The following OMA1 variants were observed in gnomAD, a reference collection of about 807,000 sequenced individuals.
OMA1 encodes OMA1 zinc metallopeptidase.
Under a neutral mutation model 30.9 loss-of-function variants are expected in OMA1, and 38 were observed. The ratio of observed to expected loss-of-function variants is 1.23; its 90% confidence interval spans 0.95 to 1.61. OMA1 has a LOEUF of 1.61. OMA1 is among the 40% of genes most tolerant of loss of function. The probability of loss-of-function intolerance (pLI) is 0.00; values close to 1 mark genes in which losing one functional copy is unlikely to be tolerated. For synonymous variants in OMA1, 173 were observed against 121.9 expected, an observed-to-expected ratio of 1.42 and a Z score of -2.76; for missense variants, 461 against 349.2, an observed-to-expected ratio of 1.32 and a Z score of -2.55.
At chr1:58,502,763 C>A (rs1645926635) in intron 8 of OMA1, among the ~76,000 whole-genome samples, 1 of 152,140 alleles carries the variant, frequency 6.6e-6, no homozygotes, top group Non-Finnish European at 1.5e-5. Context: ...TAACAATATA[C>A]CCTTGTACTA....
chr1:58,513,387 G>A (rs937186270), intron 7 of OMA1, among the ~76,000 whole-genome samples: 3 of 152,076 alleles, frequency 2.0e-5, no homozygotes, highest in Admixed American at 6.6e-5. Flanking sequence ...TTACAGCACT[G>A]TGAAAATGGA....
intron 7 of OMA1, 125 bp from the exon 8 acceptor site, chr1:58,506,334 C>A: frequency 1.7e-6 from 1 of 583,398 alleles, no homozygotes; most frequent in Non-Finnish European, 3.0e-6. Flanking sequence ...ATGTGCACAA[C>A]GTGCAGGTTT....
At chr1:58,522,293 C>T (rs1646277009) in intron 7 of OMA1, among the ~76,000 whole-genome samples, 1 of 152,064 alleles carries the variant, frequency 6.6e-6, no homozygotes, top group African/African-American at 2.4e-5. Flanking sequence ...CAAACCTGCA[C>T]ATCTGCACAT....
chr1:58,516,684 C>G lies in OMA1; in HGVS notation c.1216-10475G>C, dbSNP rs527617842. Among the ~76,000 whole-genome samples the G allele has an allele frequency of 6.6e-5, 10 of 152,226 alleles. No individual in the cohort carries two copies. In the East Asian group the frequency reaches 1.9e-3, roughly 29 times the overall value. On this transcript the variant is annotated intron_variant, in intron 7 of 8. Transcript: ENST00000371226. The stretch of plus-strand genomic sequence containing the variant: ...TTGAAAGAGGCTTCATGAGTAACAT[C>G]GTTTTTGTGAATTTTGCACGTTGAA...
intron 1 of OMA1, chr1:58,541,636 A>ACC (rs1278999448): frequency 6.1e-5 from 9 of 148,514 alleles, no homozygotes; most frequent in African/African-American, 2.0e-4. Context: ...AAAAAAAAAA[A>ACC]AAAAACCAAA....
At chr1:58,528,347 A>G (rs767822212) in intron 6 of OMA1, among the ~76,000 whole-genome samples, 18 of 152,234 alleles carry the variant, frequency 1.2e-4, no homozygotes, top group African/African-American at 3.6e-4. Flanking sequence ...CAGTAGTATC[A>G]TATGTAAAAT....
rs967466528 is a variant in OMA1 at position 58,536,385 on chromosome 1, GA to G, written c.729+127del. ...AGTGTGAAAGGTCTGAGGCCTTCGG[GA>G]AAAAAAAATGCTAATTTCATATCAA... is the stretch of plus-strand genomic sequence containing the variant. On this transcript the variant is annotated intron_variant, in intron 3 of 8. Coordinates refer to ENST00000371226, the MANE Select transcript of OMA1 (RefSeq NM_145243.5). 2.6e-4 allele frequency: 158 copies of G among 600,338 alleles called. 1 individual carries two copies. The highest frequency in any genetic ancestry group is 5.0e-4 in the South Asian group (24 of 48,046). 37.2% of individuals were successfully genotyped at this position (600,338 alleles called of 1,614,324 possible).
Position 58,506,505 on chromosome 1 carries a change from A to T in OMA1, c.1216-296T>A, listed in dbSNP as rs148092929. The stretch of plus-strand genomic sequence containing the variant: ...GAACATGCCCATTGCTTAGAAAAAG[A>T]CCCACCTCAAACAACATGGTATCAC... On this transcript the variant is annotated intron_variant, in intron 7 of 8. Transcript: ENST00000371226. Among the ~76,000 whole-genome samples, 579 of 152,266 alleles carry T rather than the reference A, an allele frequency of 3.8e-3. 2 individuals carry two copies. Among genetic ancestry groups the T allele is most frequent in the African/African-American group, 0.014 (562 of 41,562 alleles).
chr1:58,533,173 C>T (rs12058651), intron 5 of OMA1, among the ~76,000 whole-genome samples: 27,066 of 152,072 alleles, frequency 0.18, 2,537 homozygotes, highest in African/African-American at 0.23. Context: ...GGACTTATAT[C>T]AAGATGAACA....
rs376566888 is a variant in OMA1 at position 58,536,503 on chromosome 1, T to A, written c.729+10A>T. 9 of 865,272 alleles carry A rather than the reference T, an allele frequency of 1.0e-5. No homozygotes were observed. In the African/African-American group the frequency reaches 1.1e-4, roughly 11 times the overall value. 53.6% of individuals were successfully genotyped at this position (865,272 alleles called of 1,614,324 possible). A position where few individuals can be genotyped will look rare whatever the true frequency, so the allele number is the denominator to read the frequency against. On this transcript the variant is annotated intron_variant, in intron 3 of 8. Transcript: ENST00000371226. ...AAGCAGTCTAATTAAAAACAACTCTTACTACTTACTGCTTCATATTCCAGT... is the reference window on the plus strand; with the variant it reads ...AAGCAGTCTAATTAAAAACAACTCTAACTACTTACTGCTTCATATTCCAGT...
At chr1:58,529,889 A>AT (rs951248986) in intron 6 of OMA1, among the ~76,000 whole-genome samples, 30 of 151,024 alleles carry the variant, frequency 2.0e-4, no homozygotes, top group South Asian at 1.9e-3. Flanking sequence ...TTTTATTTTT[A>AT]TTTTTTTTTG....
intron 7 of OMA1, among the ~76,000 whole-genome samples, chr1:58,508,902 G>A (rs934828804): frequency 6.6e-6 from 1 of 151,128 alleles, no homozygotes; most frequent in Non-Finnish European, 1.5e-5. Flanking sequence ...GGCTGTCCAA[G>A]GGACTGGCTT....
At chr1:58,532,193 G>C (rs928148655) in intron 5 of OMA1, among the ~76,000 whole-genome samples, 1 of 152,146 alleles carries the variant, frequency 6.6e-6, no homozygotes, top group Non-Finnish European at 1.5e-5. Flanking sequence ...AATCAAAACT[G>C]AGACTCCCAA....
At chr1:58,506,713 G>A (rs1645995681) in intron 7 of OMA1, among the ~76,000 whole-genome samples, 1 of 152,014 alleles carries the variant, frequency 6.6e-6, no homozygotes, top group Non-Finnish European at 1.5e-5. Flanking sequence ...TTATTAAACT[G>A]TATTAAAGAA....
At chr1:58,540,294 A>G (rs1435066669) in intron 1 of OMA1, among the ~76,000 whole-genome samples, 1 of 151,262 alleles carries the variant, frequency 6.6e-6, no homozygotes, top group Non-Finnish European at 1.5e-5. Context: ...AAAAAAAAAA[A>G]TCTAAACAGG....
intron 7 of OMA1, among the ~76,000 whole-genome samples, chr1:58,515,933 G>C (rs1646151487): frequency 6.6e-6 from 1 of 152,144 alleles, no homozygotes. Context: ...TTTAGAATTT[G>C]AAATTTTCTC....
At chr1:58,543,149 C>CT (rs1400926880) in intron 1 of OMA1, among the ~76,000 whole-genome samples, 1 of 152,128 alleles carries the variant, frequency 6.6e-6, no homozygotes, top group Non-Finnish European at 1.5e-5. Context: ...GCTTCATGAG[C>CT]TTTTACTTTA....
intron 3 of OMA1, 151 bp from the exon 4 acceptor site, chr1:58,534,482 T>C (rs899386760): frequency 1.9e-6 from 1 of 521,030 alleles, no homozygotes; most frequent in African/African-American, 2.0e-5. Context: ...ATTTCTCAAA[T>C]CTGAATTATT....
intron 8 of OMA1, among the ~76,000 whole-genome samples, chr1:58,494,739 G>A (rs1443984050): frequency 6.6e-6 from 1 of 152,058 alleles, no homozygotes; most frequent in Non-Finnish European, 1.5e-5. Flanking sequence ...ACACCAGTTA[G>A]AATGGCGATC....
Sources: gnomAD v4.1 joint callset for allele counts (sites outside exome capture counted in the v4.1 genomes callset) on GRCh38, gnomAD v4.1.1 for gene constraint, MANE v1.5 for transcripts, NCBI Gene and HGNC (gene_info 2026-07-23, HGNC 2026-07-21) for gene names.